The following AUTS2 variants were observed in gnomAD, a reference collection of about 807,000 sequenced individuals.
AUTS2 encodes activator of transcription and developmental regulator AUTS2.
A neutral mutation model predicts 112.4 loss-of-function variants in AUTS2; 17 were observed. The observed-to-expected ratio is 0.15, with a 90% CI of 0.10 to 0.23. The LOEUF (loss-of-function observed/expected upper bound fraction) is 0.23, where lower values mean the gene tolerates loss of function less well. Among genes scored for constraint, AUTS2 ranks in the 10% least tolerant of loss-of-function variants. The pLI is 1.00. For synonymous variants in AUTS2, 751 were observed against 702.7 expected (o/e 1.07, Z -1.09); for missense variants, 1,510 against 1,701.6 (o/e 0.89, Z 1.98).
chr7:70,281,570 A>G (rs190805387), intron 4 of AUTS2, among the ~76,000 whole-genome samples: 160 of 152,378 alleles, frequency 1.1e-3, no homozygotes, highest in Admixed American at 2.2e-3. Flanking sequence ...ACCTAAAGGA[A>G]GACCTGGGTT....
intron 2 of AUTS2, among the ~76,000 whole-genome samples, chr7:69,990,221 A>C (rs1047016186): frequency 2.0e-5 from 3 of 152,202 alleles, no homozygotes; most frequent in African/African-American, 7.2e-5. Flanking sequence ...TAAATGAGGT[A>C]ATTGGTAAAA....
At chr7:69,625,465 T>C (rs1189540824) in intron 1 of AUTS2, among the ~76,000 whole-genome samples, 1 of 152,052 alleles carries the variant, frequency 6.6e-6, no homozygotes, top group Non-Finnish European at 1.5e-5. Flanking sequence ...ATTCTAGCCA[T>C]GGTGGTGCTG....
At chr7:70,159,258 A>G (rs529569054) in intron 4 of AUTS2, among the ~76,000 whole-genome samples, 3 of 152,298 alleles carry the variant, frequency 2.0e-5, no homozygotes, top group African/African-American at 7.2e-5. Flanking sequence ...GTTTGAAGTA[A>G]TTATTATCCT....
At position 70,763,120 on chromosome 7, in the gene AUTS2, A is replaced by C. The variant is rs1789674926; in HGVS notation, c.993A>C (p.Pro331=). ...ACTTGGTGCAGCGCACAGAGGCCCC[A>C]CCTCAACCCCCACCTCTGAGTACAC... ...DPDLVQRTEA[P]PQPPPLSTQP... is the part of the protein sequence containing the mutation. The change falls in exon 7 of 19, where the codon CCA becomes CCC. Residue 331 remains proline, a synonymous_variant. Transcript: ENST00000342771. The C allele has an allele frequency of 7.4e-6, 12 of 1,613,628 alleles. No homozygotes were observed. Among genetic ancestry groups the C allele is most frequent in the Non-Finnish European group, 1.0e-5 (12 of 1,179,904 alleles).
chr7:70,166,513 G>C (rs954423316), intron 4 of AUTS2, among the ~76,000 whole-genome samples: 1 of 152,138 alleles, frequency 6.6e-6, no homozygotes, highest in African/African-American at 2.4e-5. Flanking sequence ...CTGTTGTAAG[G>C]TTTCTGTACA....
rs559303071 is a variant in AUTS2, at chr7:69,642,125, T to G, written c.309+42163T>G. On this transcript the variant is annotated intron_variant, in intron 1 of 18. Coordinates refer to ENST00000342771, the MANE Select transcript of AUTS2 (RefSeq NM_015570.4). ...CCACGATTCTCTAGGGAGGATTCAC[T>G]TCCATAGAGGTTTAAAAGTGGATAC... Among the ~76,000 whole-genome samples, 7 of 152,346 alleles carry G rather than the reference T, an allele frequency of 4.6e-5. No individual in the cohort carries two copies. The East Asian group carries it at 1.3e-3, about 29-fold the overall frequency.
intron 6 of AUTS2, among the ~76,000 whole-genome samples, chr7:70,717,693 A>G (rs929683090): frequency 6.6e-6 from 1 of 152,166 alleles, no homozygotes; most frequent in Non-Finnish European, 1.5e-5. Context: ...TCTTTGAAGC[A>G]CCTCAAGCCC....
At chr7:70,038,269 A>G (rs1801097569) in intron 2 of AUTS2, among the ~76,000 whole-genome samples, 1 of 152,142 alleles carries the variant, frequency 6.6e-6, no homozygotes, top group African/African-American at 2.4e-5. Context: ...TCCTTCCAGC[A>G]TTTACATTGT....
intron 4 of AUTS2, among the ~76,000 whole-genome samples, chr7:70,318,123 C>G (rs1389343953): frequency 1.3e-5 from 2 of 152,058 alleles, no homozygotes; most frequent in Non-Finnish European, 2.9e-5. Flanking sequence ...ATCTATTATG[C>G]ATGTCACGTA....
intron 5 of AUTS2, among the ~76,000 whole-genome samples, chr7:70,446,422 G>A (rs1261592562): frequency 6.6e-6 from 1 of 152,182 alleles, no homozygotes; most frequent in Non-Finnish European, 1.5e-5. Context: ...TGCTGGCGAA[G>A]GGAACGGATC....
intron 4 of AUTS2, among the ~76,000 whole-genome samples, chr7:70,335,148 C>T (rs964878846): frequency 6.6e-6 from 1 of 152,114 alleles, no homozygotes; most frequent in Non-Finnish European, 1.5e-5. Flanking sequence ...TTTTGTTTCT[C>T]AGGCTTTCTT....
At chr7:69,841,266 G>A (rs1791968495) in intron 1 of AUTS2, among the ~76,000 whole-genome samples, 1 of 152,200 alleles carries the variant, frequency 6.6e-6, no homozygotes, top group African/African-American at 2.4e-5. Flanking sequence ...TTTGCAGGAA[G>A]CATGGTGCTG....
intron 1 of AUTS2, among the ~76,000 whole-genome samples, chr7:69,890,436 AC>A (rs892408493): frequency 5.9e-5 from 9 of 151,810 alleles, no homozygotes; most frequent in African/African-American, 2.2e-4. Flanking sequence ...ATTTTTTTAA[AC>A]CTTGTCCCTC....
chr7:69,890,724 G>A (rs1475610023), intron 1 of AUTS2, among the ~76,000 whole-genome samples: 7 of 150,620 alleles, frequency 4.6e-5, no homozygotes, highest in Admixed American at 4.6e-4. Flanking sequence ...ACTCTACCTT[G>A]TCACTGAAAA....
chr7:70,764,789 G>A lies in AUTS2; in HGVS notation c.1252G>A (p.Ala418Thr), dbSNP rs1277387034. Residue 418 changes from alanine to threonine, a missense_variant, in exon 8 of 19, where the codon GCC becomes ACC. Coordinates refer to ENST00000342771, the MANE Select transcript of AUTS2 (RefSeq NM_015570.4). Reference sequence around the variant, plus strand: ...CAGCACTCCAGCGAAGACTCAGCCCGCCCCACCTCACATCTCCCACCACCC... The same window carrying A: ...CAGCACTCCAGCGAAGACTCAGCCCACCCCACCTCACATCTCCCACCACCC... ...RSSTPAKTQP[A>T]PPHISHHPSA... 6.0e-6 allele frequency: 5 copies of A among 828,256 alleles called. No homozygotes were observed. Among genetic ancestry groups the A allele is most frequent in the Admixed American group, 4.1e-5 (2 of 48,572 alleles). The allele number at this position is 828,256 out of a possible 1,614,324, so 51.3% of individuals were successfully genotyped here.
At chr7:70,074,853 T>C (rs1186444739) in intron 2 of AUTS2, among the ~76,000 whole-genome samples, 7 of 152,258 alleles carry the variant, frequency 4.6e-5, no homozygotes, top group Non-Finnish European at 7.3e-5. Flanking sequence ...CTGTATGTTT[T>C]GGTGTAACCA....
At chr7:69,746,018 C>A (rs927834978) in intron 1 of AUTS2, among the ~76,000 whole-genome samples, 1 of 152,088 alleles carries the variant, frequency 6.6e-6, no homozygotes, top group African/African-American at 2.4e-5. Flanking sequence ...AAACTACAGG[C>A]GTGCCTCGCT....
intron 6 of AUTS2, among the ~76,000 whole-genome samples, chr7:70,717,596 G>A (rs765060129): frequency 6.6e-5 from 10 of 152,144 alleles, no homozygotes; most frequent in East Asian, 1.9e-4. Context: ...TTTAAAAAGC[G>A]TGATAGATAG....
intron 5 of AUTS2, among the ~76,000 whole-genome samples, chr7:70,557,522 T>A (rs1801301591): frequency 6.6e-6 from 1 of 152,214 alleles, no homozygotes. Context: ...ATCGAACATG[T>A]GCTCCATTAA....
Sources: gnomAD v4.1 joint callset for allele counts (sites outside exome capture counted in the v4.1 genomes callset) on GRCh38, gnomAD v4.1.1 for gene constraint, MANE v1.5 for transcripts, NCBI Gene and HGNC (gene_info 2026-07-23, HGNC 2026-07-21) for gene names.